DAB1: variants seen among roughly 807,000 people sequenced by gnomAD.
DAB1 encodes disabled homolog 1.
Under a neutral mutation model 64.6 loss-of-function variants are expected in DAB1, and 15 were observed. The ratio of observed to expected loss-of-function variants is 0.23; its 90% CI spans 0.16 to 0.36. The LOEUF (loss-of-function observed/expected upper bound fraction) is 0.36, where lower values mean the gene tolerates loss of function less well. Ranked by LOEUF, DAB1 falls within the 10% of genes least tolerant of loss-of-function variation. DAB1 has a pLI of 1.00. For synonymous variants in DAB1, 235 were observed against 251.9 expected (o/e 0.93, Z 0.64); for missense variants, 596 against 706.7 (o/e 0.84, Z 1.78).
At chr1:57,680,350 TTA>T (rs1463360639) in intron 6 of DAB1, among the ~76,000 whole-genome samples, 1 of 152,240 alleles carries the variant, frequency 6.6e-6, no homozygotes, top group African/African-American at 2.4e-5. Flanking sequence ...AACACAAATT[TTA>T]TATCTCACAG....
intron 5 of DAB1, among the ~76,000 whole-genome samples, chr1:57,943,320 T>A (rs1645130854): frequency 6.6e-6 from 1 of 152,144 alleles, no homozygotes; most frequent in Non-Finnish European, 1.5e-5. Context: ...TTACGTGGTT[T>A]AAAAAAAGTC....
intron 3 of DAB1, among the ~76,000 whole-genome samples, chr1:58,406,577 T>A (rs1644616975): frequency 6.6e-6 from 1 of 152,190 alleles, no homozygotes; most frequent in African/African-American, 2.4e-5. Flanking sequence ...TAGAAATACA[T>A]GCCACAGACA....
chr1:58,408,591 G>C (rs116156929), intron 3 of DAB1, among the ~76,000 whole-genome samples: 2,231 of 152,206 alleles, frequency 0.015, 60 homozygotes, highest in African/African-American at 0.052. Context: ...GAAAGCAGGG[G>C]AGAAACTAAA....
chr1:57,870,481 C>T (rs1265474473), intron 1 of DAB1, among the ~76,000 whole-genome samples: 1 of 152,164 alleles, frequency 6.6e-6, no homozygotes, highest in Non-Finnish European at 1.5e-5. Flanking sequence ...AATCTCAGCT[C>T]TAGCACTTTC....
chr1:57,250,343 C>A (rs975571304), intron 2 of DAB1, among the ~76,000 whole-genome samples: 3 of 152,098 alleles, frequency 2.0e-5, no homozygotes, highest in Non-Finnish European at 2.9e-5. Flanking sequence ...GTTTCAATAT[C>A]TTTGTATGTA....
At chr1:57,119,272 C>A (rs1656423656) in intron 4 of DAB1, among the ~76,000 whole-genome samples, 1 of 152,120 alleles carries the variant, frequency 6.6e-6, no homozygotes, top group Non-Finnish European at 1.5e-5. Flanking sequence ...ATATGAATTA[C>A]AACATAAAAT....
chr1:57,935,056 T>C (rs909411899), intron 5 of DAB1, among the ~76,000 whole-genome samples: 1 of 152,224 alleles, frequency 6.6e-6, no homozygotes, highest in African/African-American at 2.4e-5. Flanking sequence ...CAAAGCCTAA[T>C]TGAGATATAC....
intron 7 of DAB1, among the ~76,000 whole-genome samples, chr1:57,553,156 G>T (rs1644934128): frequency 6.6e-6 from 1 of 151,682 alleles, no homozygotes; most frequent in Non-Finnish European, 1.5e-5. Context: ...ACCTATGGGT[G>T]ATTTATCTGG....
intron 3 of DAB1, among the ~76,000 whole-genome samples, chr1:58,488,318 TTTTA>T (rs1029137328): frequency 1.1e-4 from 16 of 152,164 alleles, no homozygotes; most frequent in African/African-American, 1.9e-4. Flanking sequence ...CATAACTTTG[TTTTA>T]TTTATTTATT....
At chr1:57,102,208 G>C (rs1458050741) in intron 4 of DAB1, among the ~76,000 whole-genome samples, 1 of 152,154 alleles carries the variant, frequency 6.6e-6, no homozygotes, top group Non-Finnish European at 1.5e-5. Context: ...CTCTGTCTCT[G>C]TCTCTGTCTC....
chr1:57,068,812 A>G (rs1049557467), intron 8 of DAB1, among the ~76,000 whole-genome samples: 2 of 152,164 alleles, frequency 1.3e-5, no homozygotes, highest in African/African-American at 4.8e-5. Flanking sequence ...TCACCCTATA[A>G]AAACAGAATT....
At chr1:58,281,613 C>A (rs1348319238) in intron 4 of DAB1, among the ~76,000 whole-genome samples, 1 of 152,002 alleles carries the variant, frequency 6.6e-6, no homozygotes, top group Non-Finnish European at 1.5e-5. Flanking sequence ...TACTTAATAT[C>A]TTTTGATGGC....
chr1:57,734,447 T>G (rs188645459), intron 6 of DAB1, among the ~76,000 whole-genome samples: 160 of 152,336 alleles, frequency 1.1e-3, no homozygotes, highest in Middle Eastern at 3.4e-3. Flanking sequence ...AGGATTGGAT[T>G]TATAACTCCA....
rs113578443 is a variant in DAB1, at chr1:58,407,446, A to G, written n.258-64043T>C. On this transcript the variant is annotated intron_variant and non_coding_transcript_variant, in intron 3 of 20. Transcript: ENST00000485760. ...ATATTTGCTGGATAATGAAACTTCA[A>G]TACCAAGGGATGATATCAGGAATGA... is the stretch of plus-strand genomic sequence containing the variant. Among the ~76,000 whole-genome samples, 1,080 of 152,294 alleles carry G rather than the reference A, an allele frequency of 7.1e-3. 14 individuals are homozygous for G. The highest frequency in any genetic ancestry group is 0.025 in the African/African-American group (1,029 of 41,556).
chr1:58,179,733 GT>G (rs1412370501), intron 4 of DAB1, among the ~76,000 whole-genome samples: 2 of 151,716 alleles, frequency 1.3e-5, no homozygotes, highest in African/African-American at 4.8e-5. Flanking sequence ...TTCTGGATCA[GT>G]ATAGTAAAAG....
intron 6 of DAB1, among the ~76,000 whole-genome samples, chr1:57,787,520 A>G (rs1650391221): frequency 6.6e-6 from 1 of 152,172 alleles, no homozygotes; most frequent in Admixed American, 6.5e-5. Flanking sequence ...TAATTAAAAG[A>G]GATCACAGAC....
At chr1:57,462,407 T>C (rs1686815178) in intron 7 of DAB1, among the ~76,000 whole-genome samples, 1 of 152,210 alleles carries the variant, frequency 6.6e-6, no homozygotes, top group Admixed American at 6.5e-5. Flanking sequence ...GTTTTTAAAC[T>C]ATGTTCTTTG....
At chr1:58,201,029 T>C (rs1250610466) in intron 4 of DAB1, among the ~76,000 whole-genome samples, 2 of 151,774 alleles carry the variant, frequency 1.3e-5, no homozygotes, top group Non-Finnish European at 2.9e-5. Context: ...TTTGTTTTTT[T>C]TTTTTGAGAT....
chr1:57,045,024 G>T (rs541885308), intron 9 of DAB1, among the ~76,000 whole-genome samples: 23 of 152,310 alleles, frequency 1.5e-4, no homozygotes, highest in African/African-American at 5.5e-4. Context: ...GGCACAGAAG[G>T]TTTAATTAAC....
Sources: gnomAD v4.1 joint callset for allele counts (sites outside exome capture counted in the v4.1 genomes callset) on GRCh38, gnomAD v4.1.1 for gene constraint, MANE v1.5 for transcripts, NCBI Gene and HGNC (gene_info 2026-07-23, HGNC 2026-07-21) for gene names.